The following FHIP2A variants were observed in gnomAD, a reference collection of about 807,000 sequenced individuals.
FHIP2A encodes the protein family with sequence similarity 160 member B1.
FHIP2A carries 46 observed loss-of-function variants against 93.5 expected under a neutral mutation model. The observed-to-expected ratio is 0.49, with a 90% CI of 0.39 to 0.63. The LOEUF is 0.63. Ranked by LOEUF, FHIP2A falls within the 20% of genes least tolerant of loss-of-function variation. The pLI is 0.00. For synonymous variants in FHIP2A, 332 were observed against 326.5 expected (o/e 1.02, Z -0.18); for missense variants, 769 against 909.7 (o/e 0.85, Z 1.99).
chr10:114,848,516 G>T (rs779712689), intron 12 of FHIP2A, 131 bp from the exon 13 acceptor site: 5 of 601,134 alleles, frequency 8.3e-6, no homozygotes, highest in Non-Finnish European at 1.5e-5. Context: ...GATATCACTA[G>T]ATGCTTTAGT....
At chr10:114,877,872 T>C (rs1295271762) in intron 16 of FHIP2A, among the ~76,000 whole-genome samples, 4 of 113,158 alleles carry the variant, frequency 3.5e-5, no homozygotes, top group African/African-American at 1.3e-4. Context: ...CACCCGTGTG[T>C]GAATTATTTT....
At chr10:114,898,462 G>C (rs972521777) in intron 16 of FHIP2A, among the ~76,000 whole-genome samples, 6 of 152,080 alleles carry the variant, frequency 3.9e-5, no homozygotes, top group African/African-American at 1.4e-4. Flanking sequence ...ACCAGCTCTG[G>C]CCTGGGACAA....
chr10:114,865,802 C>G (rs1413286937), downstream of FHIP2A, among the ~76,000 whole-genome samples: 4 of 114,350 alleles, frequency 3.5e-5, no homozygotes, highest in Admixed American at 2.7e-4. Flanking sequence ...ATCTATACCT[C>G]TTTTCAAAAA....
At position 114,830,224 on chromosome 10, in the gene FHIP2A, T is replaced by C. The variant is rs553434083; in HGVS notation, c.46-628T>C. On this transcript the variant is annotated intron_variant, in intron 1 of 16. Transcript: ENST00000369248. ...GTAATTTCATTTACTGATATGTCAG[T>C]AATAGAATATTGTTTCGTTTTCATT... Among the ~76,000 whole-genome samples, 52 of 151,994 alleles carry C rather than the reference T, an allele frequency of 3.4e-4. 1 individual carries two copies. Among genetic ancestry groups the C allele is most frequent in the African/African-American group, 1.1e-3 (46 of 41,410 alleles).
intron 16 of FHIP2A, among the ~76,000 whole-genome samples, chr10:114,875,734 GAGAAAGAA>G (rs200179954): frequency 1.2e-4 from 18 of 146,904 alleles, no homozygotes; most frequent in Admixed American, 4.8e-4. Flanking sequence ...AAGAAAGAGA[GAGAAAGAA>G]AGAAAGAAAG....
intron 1 of FHIP2A, among the ~76,000 whole-genome samples, chr10:114,822,849 C>G (rs960873612): frequency 2.0e-5 from 3 of 152,208 alleles, no homozygotes; most frequent in African/African-American, 7.2e-5. Flanking sequence ...CCTGGACACT[C>G]TTCGTTTATC....
downstream of FHIP2A, among the ~76,000 whole-genome samples, chr10:114,866,766 A>C (rs1249872485): frequency 1.3e-5 from 2 of 152,216 alleles, no homozygotes; most frequent in African/African-American, 4.8e-5. Flanking sequence ...CAGGGAAAGG[A>C]AGTAAGATGG....
In FHIP2A at chr10:114,863,973, A is replaced by G; in HGVS notation, c.*2433A>G. On this transcript the variant is annotated 3_prime_UTR_variant, in exon 17 of 17. Coordinates refer to ENST00000369248, the MANE Select transcript of FHIP2A (RefSeq NM_020940.4). The stretch of plus-strand genomic sequence containing the variant: ...GCATTCTTTACTTGATAGAACTCAG[A>G]TTTGTCTTAGCCTATTGCCATATAG... 1 of 1,067,494 alleles carries G rather than the reference A, an allele frequency of 9.4e-7. No individual in the cohort carries two copies. The highest frequency in any genetic ancestry group is 4.5e-4 in the Middle Eastern group (1 of 2,200). 66.1% of individuals were successfully genotyped at this position (1,067,494 alleles called of 1,614,324 possible).
chr10:114,858,898 C>A (rs889878049), intron 14 of FHIP2A, among the ~76,000 whole-genome samples: 3 of 152,086 alleles, frequency 2.0e-5, no homozygotes, highest in Non-Finnish European at 4.4e-5. Context: ...AAGATAAATG[C>A]TGGAGGTGAT....
chr10:114,858,853 C>G (rs1331401609), intron 14 of FHIP2A, among the ~76,000 whole-genome samples: 1 of 152,002 alleles, frequency 6.6e-6, no homozygotes, highest in Non-Finnish European at 1.5e-5. Flanking sequence ...TTCAAAGGAG[C>G]TAGAAGAGAA....
intron 16 of FHIP2A, among the ~76,000 whole-genome samples, chr10:114,896,238 C>CA (rs376424235): frequency 0.01 from 1,505 of 144,972 alleles, 25 homozygotes; most frequent in African/African-American, 0.032. Context: ...AACAAGCAAA[C>CA]AAAAAAAAAA....
chr10:114,883,342 C>T (rs376209169), intron 16 of FHIP2A, among the ~76,000 whole-genome samples: 3 of 152,076 alleles, frequency 2.0e-5, no homozygotes, highest in African/African-American at 7.2e-5. Context: ...CTCATATCCA[C>T]GTGTCTTCTC....
In FHIP2A at chr10:114,861,093, G is replaced by T. The variant is rs1327150470; in HGVS notation, c.2089-138G>T. On this transcript the variant is annotated intron_variant, in intron 15 of 16. Coordinates refer to ENST00000369248, the MANE Select transcript of FHIP2A (RefSeq NM_020940.4). ...TTTAAAGAATTAGGTATGAGTCCTTGGTTAAAGATGATTATATGAGTAGTG... is the reference window on the plus strand; with the variant it reads ...TTTAAAGAATTAGGTATGAGTCCTTTGTTAAAGATGATTATATGAGTAGTG... 3 of 1,160,898 alleles carry T rather than the reference G, an allele frequency of 2.6e-6. No homozygotes were observed. The African/African-American group carries it at 4.7e-5, about 18-fold the overall frequency. 71.9% of individuals were successfully genotyped at this position (1,160,898 alleles called of 1,614,324 possible).
intron 6 of FHIP2A, 33 bp downstream of exon 6, chr10:114,843,259 C>G: frequency 7.2e-7 from 1 of 1,388,590 alleles, no homozygotes; most frequent in Non-Finnish European, 9.7e-7. Flanking sequence ...TCCCCCCTAA[C>G]ATTATTTCAA....
At chr10:114,894,986 G>A (rs1269785767) in intron 16 of FHIP2A, among the ~76,000 whole-genome samples, 1 of 152,194 alleles carries the variant, frequency 6.6e-6, no homozygotes, top group Non-Finnish European at 1.5e-5. Flanking sequence ...AGGATACACT[G>A]TAGCCTGCTG....
rs528462395 is a variant in FHIP2A, at chr10:114,875,076, A to G, written c.2192+13742A>G. Reference sequence around the variant, plus strand: ...TTTCCGAAGCTTGCTTGCATTAAACATGAGGCGCCGCTAAGTGCTGTTGCC... The same window carrying G: ...TTTCCGAAGCTTGCTTGCATTAAACGTGAGGCGCCGCTAAGTGCTGTTGCC... On this transcript the variant is annotated intron_variant, in intron 16 of 16. Coordinates refer to the FHIP2A transcript ENST00000369250. Among the ~76,000 whole-genome samples the G allele has an allele frequency of 1.2e-3, 187 of 152,300 alleles. 2 individuals are homozygous for G. The highest frequency in any genetic ancestry group is 2.4e-3 in the Admixed American group (37 of 15,306).
chr10:114,863,425 A>C lies in FHIP2A; in HGVS notation c.*1885A>C. On this transcript the variant is annotated 3_prime_UTR_variant, in exon 17 of 17. Coordinates refer to ENST00000369248, the MANE Select transcript of FHIP2A (RefSeq NM_020940.4). The stretch of plus-strand genomic sequence containing the variant: ...AGCAATGATATTACCTCTGAAACCA[A>C]ATACTCTTTTATCCTTGATTCCACT... 1 of 1,061,484 alleles carries C rather than the reference A, an allele frequency of 9.4e-7. No individual in the cohort carries two copies. The highest frequency in any genetic ancestry group is 1.1e-6 in the Non-Finnish European group (1 of 874,674). 65.8% of individuals were successfully genotyped at this position (1,061,484 alleles called of 1,614,324 possible).
chr10:114,836,617 T>C lies in FHIP2A; in HGVS notation c.522+371T>C, dbSNP rs992988616. Among the ~76,000 whole-genome samples, 4 of 152,208 alleles carry C rather than the reference T, an allele frequency of 2.6e-5. No individual in the cohort carries two copies. In the South Asian group the frequency reaches 6.2e-4, roughly 24 times the overall value. ...AATCTGGCCTGGGATAAGGATGGCA[T>C]GTGCAGATTTGGACAAGATGGAAAA... On this transcript the variant is annotated intron_variant, in intron 5 of 16. Transcript: ENST00000369248.
chr10:114,855,359 C>T lies in FHIP2A; in HGVS notation c.1947+19C>T, dbSNP rs755871908. 1.3e-6 allele frequency: 2 copies of T among 1,593,108 alleles called. No individual in the cohort carries two copies. The highest frequency in any genetic ancestry group is 2.2e-5 in the East Asian group (1 of 44,724). ...TGATCAGGTAATACATTTTAAAATA[C>T]TAATTTTCATATTTTTTTTTGCCAT... On this transcript the variant is annotated intron_variant, in intron 14 of 16. Coordinates refer to ENST00000369248, the MANE Select transcript of FHIP2A (RefSeq NM_020940.4).
Sources: gnomAD v4.1 joint callset for allele counts (sites outside exome capture counted in the v4.1 genomes callset) on GRCh38, gnomAD v4.1.1 for gene constraint, MANE v1.5 for transcripts, NCBI Gene and HGNC (gene_info 2026-07-23, HGNC 2026-07-21) for gene names.